LRMDA: variants seen among roughly 807,000 people sequenced by gnomAD.
LRMDA encodes the protein leucine-rich melanocyte differentiation-associated protein.
A neutral mutation model predicts 29.8 loss-of-function variants in LRMDA; 18 were observed. That is an observed-to-expected ratio of 0.60 (90% CI 0.42 to 0.90). The LOEUF is 0.90. LRMDA is among the 40% of genes least tolerant of loss of function. The pLI, the probability that LRMDA is intolerant of heterozygous loss-of-function variation, is 0.00. For missense variants in LRMDA, 273 were observed against 273.9 expected, an observed-to-expected ratio of 1.00 and a Z score of 0.02; for synonymous variants, 125 against 109.4, an observed-to-expected ratio of 1.14 and a Z score of -0.89.
chr10:75,488,144 C>G (rs1393643639), intron 2 of LRMDA, among the ~76,000 whole-genome samples: 1 of 152,100 alleles, frequency 6.6e-6, no homozygotes, highest in Non-Finnish European at 1.5e-5. Flanking sequence ...TGCCCTGCCT[C>G]TGTTTTATTG....
intron 2 of LRMDA, among the ~76,000 whole-genome samples, chr10:75,559,892 C>T (rs12411491): frequency 5.6e-5 from 3 of 53,698 alleles, no homozygotes; most frequent in African/African-American, 1.1e-4. Context: ...ATTGATCTAT[C>T]TCTCTGTTTT....
chr10:75,462,095 T>C (rs1441393642), intron 2 of LRMDA, among the ~76,000 whole-genome samples: 2 of 152,238 alleles, frequency 1.3e-5, no homozygotes, highest in African/African-American at 4.8e-5. Flanking sequence ...AGGAGCTTGA[T>C]GAAAAGCGAA....
intron 2 of LRMDA, among the ~76,000 whole-genome samples, chr10:76,005,286 G>T (rs553088307): frequency 2.8e-4 from 42 of 152,262 alleles, no homozygotes; most frequent in African/African-American, 1.0e-3. Context: ...AAAGCTACAT[G>T]ATATTCCAGA....
chr10:75,807,738 A>G (rs1015739956), intron 2 of LRMDA, among the ~76,000 whole-genome samples: 1 of 152,204 alleles, frequency 6.6e-6, no homozygotes, highest in Non-Finnish European at 1.5e-5. Context: ...TTGCAGTATT[A>G]TGGTGTTCTT....
At chr10:76,219,680 C>T (rs1291102677) in intron 5 of LRMDA, among the ~76,000 whole-genome samples, 1 of 152,150 alleles carries the variant, frequency 6.6e-6, no homozygotes, top group Non-Finnish European at 1.5e-5. Flanking sequence ...GACTTTAACA[C>T]CCCACTGTCA....
intron 5 of LRMDA, among the ~76,000 whole-genome samples, chr10:76,215,493 G>A (rs926753671): frequency 6.6e-6 from 1 of 151,932 alleles, no homozygotes; most frequent in Non-Finnish European, 1.5e-5. Context: ...CACAGGAGAT[G>A]AAGTCTGTTT....
intron 2 of LRMDA, among the ~76,000 whole-genome samples, chr10:75,633,021 G>A (rs184989727): frequency 7.9e-5 from 12 of 152,172 alleles, no homozygotes; most frequent in South Asian, 2.1e-4. Context: ...GGGCTTGAGC[G>A]TGTGTTTGAG....
intron 2 of LRMDA, among the ~76,000 whole-genome samples, chr10:75,773,567 T>C (rs962751702): frequency 2.0e-5 from 3 of 152,216 alleles, no homozygotes; most frequent in African/African-American, 4.8e-5. Context: ...AGATGAATGA[T>C]GAATGTTTTC....
At chr10:75,853,091 A>T (rs923432652) in intron 2 of LRMDA, among the ~76,000 whole-genome samples, 1 of 152,102 alleles carries the variant, frequency 6.6e-6, no homozygotes. Context: ...TGCCCTCATG[A>T]TTCGATTACC....
At chr10:76,176,532 G>A (rs1426389772) in intron 5 of LRMDA, among the ~76,000 whole-genome samples, 1 of 152,196 alleles carries the variant, frequency 6.6e-6, no homozygotes, top group African/African-American at 2.4e-5. Context: ...GGTGGCTCAC[G>A]CCTGCAATCT....
At chr10:75,594,597 G>A (rs1840763721) in intron 2 of LRMDA, among the ~76,000 whole-genome samples, 1 of 152,214 alleles carries the variant, frequency 6.6e-6, no homozygotes, top group Non-Finnish European at 1.5e-5. Flanking sequence ...ATGGGCCAGT[G>A]TAGCTGTAAC....
chr10:76,005,378 A>G (rs1184900881), intron 2 of LRMDA, among the ~76,000 whole-genome samples: 3 of 152,128 alleles, frequency 2.0e-5, no homozygotes, highest in Admixed American at 1.3e-4. Flanking sequence ...ATGTTGATAA[A>G]CCTTTGCTGA....
chr10:76,119,579 G>T (rs1232134735), intron 5 of LRMDA, among the ~76,000 whole-genome samples: 1 of 152,142 alleles, frequency 6.6e-6, no homozygotes, highest in African/African-American at 2.4e-5. Context: ...GCTAATCTCA[G>T]AAGGGAGCTA....
At chr10:76,505,356 A>G (rs1842948385) in intron 6 of LRMDA, among the ~76,000 whole-genome samples, 1 of 152,078 alleles carries the variant, frequency 6.6e-6, no homozygotes, top group Non-Finnish European at 1.5e-5. Context: ...CAGCCTGTCT[A>G]GCAAGATTGG....
chr10:75,900,233 GAGTTA>G (rs1232552327), intron 2 of LRMDA, among the ~76,000 whole-genome samples: 1 of 152,178 alleles, frequency 6.6e-6, no homozygotes, highest in Non-Finnish European at 1.5e-5. Context: ...TGCACCACAA[GAGTTA>G]AGTCTGTCAA....
intron 5 of LRMDA, among the ~76,000 whole-genome samples, chr10:76,292,369 G>A (rs552716453): frequency 2.0e-5 from 3 of 152,188 alleles, no homozygotes; most frequent in East Asian, 1.9e-4. Flanking sequence ...GGGTGGTGAC[G>A]GAGCAGAGCC....
intron 2 of LRMDA, among the ~76,000 whole-genome samples, chr10:75,494,976 G>A (rs770500328): frequency 2.6e-4 from 39 of 152,228 alleles, no homozygotes; most frequent in Non-Finnish European, 5.1e-4. Flanking sequence ...GCAGCAGGAA[G>A]AAAGGCAGAA....
At chr10:76,339,009 A>G (rs1296205252) in intron 6 of LRMDA, among the ~76,000 whole-genome samples, 1 of 152,198 alleles carries the variant, frequency 6.6e-6, no homozygotes, top group Non-Finnish European at 1.5e-5. Context: ...AAAAACTAAC[A>G]AAGTCACCAT....
intron 5 of LRMDA, among the ~76,000 whole-genome samples, chr10:76,216,492 A>T (rs897654926): frequency 5.3e-5 from 8 of 152,246 alleles, no homozygotes; most frequent in Non-Finnish European, 7.3e-5. Flanking sequence ...CAGATAACTC[A>T]ATAGAGAAGT....
Sources: gnomAD v4.1 joint callset for allele counts (sites outside exome capture counted in the v4.1 genomes callset) on GRCh38, gnomAD v4.1.1 for gene constraint, MANE v1.5 for transcripts, NCBI Gene and HGNC (gene_info 2026-07-23, HGNC 2026-07-21) for gene names.